The following PDS5A variants were observed in gnomAD, a reference collection of about 807,000 sequenced individuals.
PDS5A encodes sister chromatid cohesion protein PDS5 homolog A.
In PDS5A, 42 loss-of-function variants were observed where a neutral mutation model predicts 167.1. The ratio of observed to expected loss-of-function variants is 0.25; its 90% confidence interval spans 0.20 to 0.33. The LOEUF is 0.33. Ranked by LOEUF, PDS5A falls within the 10% of genes least tolerant of loss-of-function variation. The probability of loss-of-function intolerance (pLI) is 1.00; values close to 1 mark genes in which losing one functional copy is unlikely to be tolerated. For synonymous variants in PDS5A, 553 were observed against 554.6 expected, an observed-to-expected ratio of 1.00 and a Z score of 0.04; for missense variants, 1,033 against 1,605.9, an observed-to-expected ratio of 0.64 and a Z score of 6.10.
At chr4:39,932,967 AGACCATCCT>A (rs1726223808) in intron 2 of PDS5A, 1 of 152,330 alleles carries the variant, frequency 6.6e-6, no homozygotes. Flanking sequence ...CAGGAGTTCG[AGACCATCCT>A]GACCAACATG....
intron 26 of PDS5A, among the ~76,000 whole-genome samples, chr4:39,858,539 A>C (rs1467774135): frequency 6.6e-6 from 1 of 152,270 alleles, no homozygotes; most frequent in African/African-American, 2.4e-5. Context: ...TGTTTACCTT[A>C]TACCACATGC....
intron 30 of PDS5A, among the ~76,000 whole-genome samples, chr4:39,843,347 A>G (rs1368401030): frequency 6.6e-6 from 1 of 152,042 alleles, no homozygotes; most frequent in Non-Finnish European, 1.5e-5. Flanking sequence ...CTCCTATACT[A>G]ATTTGAGTTA....
At position 39,908,389 on chromosome 4, in the gene PDS5A, T is replaced by C. The variant is rs771804242; in HGVS notation, c.1233+6A>G. The stretch of plus-strand genomic sequence containing the variant: ...TTACAGAAGAATAAAATGCCTCAGA[T>C]TTTACCCGTTTATCCAGTGTTCTTT... On this transcript the variant is annotated splice_donor_region_variant and intron_variant, in intron 11 of 32. Transcript: ENST00000303538. The C allele has an allele frequency of 9.9e-6, 16 of 1,609,926 alleles. No individual in the cohort carries two copies. The Middle Eastern group carries it at 5.0e-4, about 50-fold the overall frequency.
chr4:39,890,444 T>C (rs963588588), intron 16 of PDS5A, 80 bp from the exon 17 acceptor site: 1 of 784,230 alleles, frequency 1.3e-6, no homozygotes, highest in African/African-American at 1.7e-5. Flanking sequence ...GGAACTGAAA[T>C]ATTCAAAACC....
intron 17 of PDS5A, among the ~76,000 whole-genome samples, chr4:39,888,460 A>G (rs1031531490): frequency 1.3e-5 from 2 of 152,028 alleles, no homozygotes; most frequent in Middle Eastern, 3.2e-3. Context: ...ATTTTTTAAA[A>G]AGGAAATTAA....
At chr4:39,902,517 A>G (rs1038531690) in intron 12 of PDS5A, 57 bp from the exon 13 acceptor site, 7 of 902,792 alleles carry the variant, frequency 7.8e-6, no homozygotes, top group Non-Finnish European at 1.2e-5. Context: ...CATTTTTAAG[A>G]AGCAATTTTT....
At chr4:39,946,284 A>C (rs914445040) in intron 2 of PDS5A, among the ~76,000 whole-genome samples, 2 of 151,890 alleles carry the variant, frequency 1.3e-5, no homozygotes, top group Admixed American at 1.3e-4. Flanking sequence ...TGTGGGAAAA[A>C]GGCAGATGGA....
In PDS5A at chr4:39,911,633, C is replaced by T. The variant is rs181456628; in HGVS notation, c.993-1295G>A. Among the ~76,000 whole-genome samples the T allele has an allele frequency of 3.0e-4, 45 of 151,896 alleles. No individual in the cohort carries two copies. In the East Asian group the frequency reaches 7.0e-3, roughly 24 times the overall value. ...AAATCACGAGGTCGGGAGATCAAGA[C>T]CATCCTGGCTAACACGGTGAAACCC... is the stretch of plus-strand genomic sequence containing the variant. On this transcript the variant is annotated intron_variant, in intron 9 of 32. Coordinates refer to ENST00000303538, the MANE Select transcript of PDS5A (RefSeq NM_001100399.2).
chr4:39,852,433 G>A (rs1718196803), intron 26 of PDS5A, among the ~76,000 whole-genome samples: 1 of 151,916 alleles, frequency 6.6e-6, no homozygotes, highest in African/African-American at 2.4e-5. Context: ...TTATCCAAGG[G>A]AGCTAATTCC....
At chr4:39,826,446 G>T (rs992173338) in intron 32 of PDS5A, among the ~76,000 whole-genome samples, 4 of 143,328 alleles carry the variant, frequency 2.8e-5, no homozygotes, top group African/African-American at 1.0e-4. Flanking sequence ...GGCATTAGCA[G>T]CCCAACTTGC....
rs1169667678 is a variant in PDS5A at position 39,977,142 on chromosome 4, G to C, written c.-41+315C>G. Among the ~76,000 whole-genome samples the C allele has an allele frequency of 5.3e-5, 8 of 151,578 alleles. No homozygotes were observed. The highest frequency in any genetic ancestry group is 5.2e-4 in the Admixed American group (8 of 15,252). On this transcript the variant is annotated intron_variant, in intron 1 of 32. Transcript: ENST00000303538. The surrounding 1 kb of genome is among the most constrained non-coding windows in gnomAD (Gnocchi z 4.2). ...TCGGACCCGGGGTAGTCCCCGCCGCGCTGCCACCCCTCCCCTGTTCCGCTC... is the reference window on the plus strand; with the variant it reads ...TCGGACCCGGGGTAGTCCCCGCCGCCCTGCCACCCCTCCCCTGTTCCGCTC...
chr4:39,939,163 C>A (rs2109762275), intron 2 of PDS5A, among the ~76,000 whole-genome samples: 1 of 152,144 alleles, frequency 6.6e-6, no homozygotes, highest in East Asian at 1.9e-4. Context: ...TAGATCAAGG[C>A]TATGGCTGAG....
intron 2 of PDS5A, among the ~76,000 whole-genome samples, chr4:39,974,520 T>C (rs533844068): frequency 1.3e-5 from 2 of 152,308 alleles, no homozygotes; most frequent in Non-Finnish European, 2.9e-5. Context: ...TGTATAATCT[T>C]TAGTATCAAT....
chr4:39,828,593 T>C (rs752398988), intron 32 of PDS5A, among the ~76,000 whole-genome samples: 4 of 152,230 alleles, frequency 2.6e-5, no homozygotes, highest in African/African-American at 4.8e-5. Context: ...TTAACAAACC[T>C]AAAGTGTAAA....
intron 2 of PDS5A, among the ~76,000 whole-genome samples, chr4:39,939,399 T>C (rs945112634): frequency 6.6e-6 from 1 of 151,896 alleles, no homozygotes; most frequent in Non-Finnish European, 1.5e-5. Flanking sequence ...CCTAGGAGGG[T>C]GAGGCTGTAA....
chr4:39,902,537 TTTG>T, intron 12 of PDS5A, 77 bp from the exon 13 acceptor site: 5 of 715,638 alleles, frequency 7.0e-6, no homozygotes, highest in Non-Finnish European at 1.2e-5. Flanking sequence ...TTTTTTTTTT[TTTG>T]GAGACAGGGT....
At chr4:39,873,835 G>A (rs532043422) in intron 20 of PDS5A, among the ~76,000 whole-genome samples, 1 of 152,200 alleles carries the variant, frequency 6.6e-6, no homozygotes, top group Non-Finnish European at 1.5e-5. Context: ...CTTCAGTCCA[G>A]GAGTTTGAGA....
At chr4:39,925,972 T>C (rs1050258313) in intron 4 of PDS5A, 39 bp from the exon 5 acceptor site, 3 of 622,350 alleles carry the variant, frequency 4.8e-6, no homozygotes, top group Non-Finnish European at 7.6e-6. Flanking sequence ...TATACATATA[T>C]ACAGAATAGT....
chr4:39,914,171 T>G (rs901174560), intron 8 of PDS5A, among the ~76,000 whole-genome samples: 11 of 151,024 alleles, frequency 7.3e-5, no homozygotes, highest in Admixed American at 2.6e-4. Flanking sequence ...TGTTTTTTTT[T>G]TTTTTTTTTT....
Sources: gnomAD v4.1 joint callset for allele counts (sites outside exome capture counted in the v4.1 genomes callset) on GRCh38, gnomAD v4.1.1 for gene constraint, Gnocchi (gnomAD v3.1) non-coding constraint, MANE v1.5 for transcripts, NCBI Gene and HGNC (gene_info 2026-07-23, HGNC 2026-07-21) for gene names.